SRPX: variants seen among roughly 807,000 people sequenced by gnomAD.
SRPX encodes sushi repeat containing protein X-linked, also known as sushi repeat-containing protein SRPX.
SRPX carries 24 observed loss-of-function variants against 38.1 expected under a neutral mutation model. The observed-to-expected ratio is 0.63, with a 90% CI of 0.46 to 0.89. The LOEUF (loss-of-function observed/expected upper bound fraction) is 0.89. Ranked by LOEUF, SRPX falls within the 40% of genes least tolerant of loss-of-function variation. The probability of loss-of-function intolerance (pLI) is 0.00; values close to 1 mark genes in which losing one functional copy is unlikely to be tolerated. For missense variants in SRPX, 416 were observed against 377.8 expected, an observed-to-expected ratio of 1.10 and a Z score of -0.84; for synonymous variants, 184 against 153.8, an observed-to-expected ratio of 1.20 and a Z score of -1.45.
intron 9 of SRPX, among the ~76,000 whole-genome samples, chrX:38,153,302 CTTTTTTTTT>C (rs58888978): frequency 2.9e-4 from 16 of 54,722 alleles, no homozygotes; most frequent in African/African-American, 1.1e-3. Context: ...TTCTTTCTTT[CTTTTTTTTT>C]TTTTTTTTTT....
At chrX:38,157,682 G>T (rs1050921005) in intron 7 of SRPX, among the ~76,000 whole-genome samples, 16 of 112,253 alleles carry the variant, frequency 1.4e-4, no homozygotes, top group African/African-American at 5.2e-4. Context: ...CCAGGGACTA[G>T]GATGTGGACA....
At chrX:38,169,012 T>C (rs1938416772) in intron 4 of SRPX, among the ~76,000 whole-genome samples, 1 of 112,082 alleles carries the variant, frequency 8.9e-6, no homozygotes, top group African/African-American at 3.2e-5. Context: ...ACCTCATCTC[T>C]AAAAGTCAAC....
intron 6 of SRPX, 142 bp downstream of exon 6, chrX:38,160,791 C>G: frequency 1.3e-6 from 1 of 743,855 alleles, no homozygotes; most frequent in Admixed American, 3.1e-5. Context: ...TAGGGCACTT[C>G]CCCAAGCCTT....
intron 4 of SRPX, 139 bp from the exon 5 acceptor site, chrX:38,165,034 T>C (rs755322040): frequency 9.4e-4 from 470 of 502,351 alleles, no homozygotes; most frequent in Non-Finnish European, 1.4e-3. Flanking sequence ...TATATTCCCC[T>C]TTTCTCCCTT....
In SRPX at chrX:38,190,112, A is replaced by T. The variant is rs373752305; in HGVS notation, c.98-11768T>A. The stretch of plus-strand genomic sequence containing the variant: ...ATTCTGGCACATCTTGGCAAAACTG[A>T]GAATAACTGAATTCAGAGAAGACAG... On this transcript the variant is annotated intron_variant, in intron 1 of 9. Coordinates refer to ENST00000378533, the MANE Select transcript of SRPX (RefSeq NM_006307.5). Among the ~76,000 whole-genome samples, 6 of 112,467 alleles carry T rather than the reference A, an allele frequency of 5.3e-5. No homozygotes were observed. In the East Asian group the frequency reaches 1.7e-3, roughly 31 times the overall value.
At chrX:38,182,228 C>T (rs994333766) in intron 1 of SRPX, among the ~76,000 whole-genome samples, 3 of 112,283 alleles carry the variant, frequency 2.7e-5, no homozygotes, top group South Asian at 3.7e-4. Context: ...ATCAGGGATT[C>T]GAATCCTGTC....
intron 1 of SRPX, among the ~76,000 whole-genome samples, chrX:38,216,043 G>A (rs907305392): frequency 9.0e-6 from 1 of 111,642 alleles, no homozygotes; most frequent in Admixed American, 9.5e-5. Context: ...GGATAGAGCC[G>A]TCTCCCCAGA....
chrX:38,149,575 C>T lies in SRPX; in HGVS notation c.*136G>A. 1 of 644,065 alleles carries T rather than the reference C, an allele frequency of 1.6e-6. No individual in the cohort carries two copies. The highest frequency in any genetic ancestry group is 2.3e-5 in the African/African-American group (1 of 44,289). 53.1% of individuals were successfully genotyped at this position (644,065 alleles called of 1,213,427 possible). A position where few individuals can be genotyped will look rare whatever the true frequency, so the allele number is the denominator to read the frequency against. ...AAAGCAGCATGCTAATTTTTAAGTG[C>T]AAAGAAAGCTCATAATAAAATAGAC... On this transcript the variant is annotated 3_prime_UTR_variant, in exon 10 of 10. Transcript: ENST00000378533.
At chrX:38,218,316 A>G (rs1939452089) in intron 1 of SRPX, among the ~76,000 whole-genome samples, 1 of 112,777 alleles carries the variant, frequency 8.9e-6, no homozygotes, top group Non-Finnish European at 1.9e-5. Flanking sequence ...GAATTATTTT[A>G]AGAACAGAAT....
Position 38,220,764 on chromosome X carries a change from A to C in SRPX, c.29T>G (p.Leu10Arg), listed in dbSNP as rs764536488. The C allele has an allele frequency of 1.5e-5, 17 of 1,135,508 alleles. No homozygotes were observed. Among genetic ancestry groups the C allele is most frequent in the Non-Finnish European group, 1.6e-5 (14 of 863,664 alleles). 93.6% of individuals were successfully genotyped at this position (1,135,508 alleles called of 1,213,427 possible). The change falls in exon 1 of 10, where the codon CTG becomes CGG. Residue 10 changes from leucine (L) to arginine (R), a missense_variant. Transcript: ENST00000378533. ...CAGCAGAGGCGGCAGCAGCAGCAGC[A>C]GCGCGGGCCGATGTGCGGGGCTCCC... MGSPAHRPALLLLLPPLLLL... is the reference protein window; with the variant it reads MGSPAHRPARLLLLPPLLLL...
At chrX:38,160,873 C>A (rs1938237004) in intron 6 of SRPX, 60 bp downstream of exon 6, 5 of 1,178,040 alleles carry the variant, frequency 4.2e-6, no homozygotes, top group Non-Finnish European at 4.6e-6. Context: ...GCTTGAGGAC[C>A]TACTTCCCTT....
intron 1 of SRPX, among the ~76,000 whole-genome samples, chrX:38,197,550 C>T (rs747118014): frequency 1.8e-5 from 2 of 111,473 alleles, no homozygotes; most frequent in South Asian, 7.6e-4. Context: ...ACATATCTAT[C>T]ACCTCAAATA....
intron 1 of SRPX, among the ~76,000 whole-genome samples, chrX:38,203,252 A>G (rs1209292297): frequency 8.9e-6 from 1 of 111,784 alleles, no homozygotes; most frequent in Non-Finnish European, 1.9e-5. Flanking sequence ...AAAAAAAAAA[A>G]TTACAGCAAT....
chrX:38,184,135 T>A (rs1374240377), intron 1 of SRPX, among the ~76,000 whole-genome samples: 4 of 111,437 alleles, frequency 3.6e-5, no homozygotes, highest in African/African-American at 1.3e-4. Context: ...AGTAGAGTGT[T>A]CCTGCTATCA....
chrX:38,184,904 C>T (rs764494791), intron 1 of SRPX, among the ~76,000 whole-genome samples: 57 of 112,150 alleles, frequency 5.1e-4, no homozygotes, highest in African/African-American at 1.6e-3. Flanking sequence ...AATACGGCAG[C>T]CACTAGTCCT....
In SRPX at chrX:38,161,032, G is replaced by C. The variant is rs202189372; in HGVS notation, c.676C>G (p.Pro226Ala). ...LTDVILKGLP[P>A]GSNFPEGDHK... ...TCTCCTTCTGGAAAGTTGGAGCCTGGGGGGAGGCCTTTTAGAATGACACTT... is the reference window on the plus strand; with the variant it reads ...TCTCCTTCTGGAAAGTTGGAGCCTGCGGGGAGGCCTTTTAGAATGACACTT... Residue 226 changes from proline to alanine, a missense_variant, in exon 6 of 10, where the codon CCA (proline) becomes GCA (alanine). Transcript: ENST00000378533. 7.0e-5 allele frequency: 84 copies of C among 1,208,222 alleles called. No individual in the cohort carries two copies. The African/African-American group carries it at 1.2e-3, about 17-fold the overall frequency.
intron 4 of SRPX, among the ~76,000 whole-genome samples, chrX:38,167,214 A>AT (rs11385424): frequency 0.07 from 7,805 of 111,451 alleles, 665 homozygotes; most frequent in African/African-American, 0.24. Flanking sequence ...GTGGTCTGGG[A>AT]TTTTTAAATG....
intron 1 of SRPX, among the ~76,000 whole-genome samples, chrX:38,201,173 CTT>C (rs1202373021): frequency 2.7e-5 from 3 of 111,405 alleles, no homozygotes; most frequent in African/African-American, 9.8e-5. Flanking sequence ...CAATCCAATC[CTT>C]TCTCTAAATT....
chrX:38,195,382 GTTTTT>G lies in SRPX; in HGVS notation c.98-17043_98-17039del, dbSNP rs10710053. On this transcript the variant is annotated intron_variant, in intron 1 of 9. Transcript: ENST00000378533. ...TGGCTGGTAAGTAGAGGTGTTTGTG[GTTTTT>G]TTTTTTTTTTTTTTACCATACCCAT... is the stretch of plus-strand genomic sequence containing the variant. Among the ~76,000 whole-genome samples the G allele has an allele frequency of 9.3e-3, 814 of 87,936 alleles. 11 individuals are homozygous for G. Among genetic ancestry groups the G allele is most frequent in the African/African-American group, 0.034 (770 of 22,667 alleles). The allele number at this position is 87,936 out of a possible 115,157, so 76.4% of individuals were successfully genotyped here.
Sources: gnomAD v4.1 joint callset for allele counts (sites outside exome capture counted in the v4.1 genomes callset) on GRCh38, gnomAD v4.1.1 for gene constraint, MANE v1.5 for transcripts, NCBI Gene and HGNC (gene_info 2026-07-23, HGNC 2026-07-21) for gene names.